The following RIMS2 variants were observed in gnomAD, a reference collection of about 807,000 sequenced individuals.
RIMS2 encodes the protein regulating synaptic membrane exocytosis protein 2.
Under a neutral mutation model 174.4 loss-of-function variants are expected in RIMS2, and 59 were observed. The observed-to-expected ratio is 0.34, with a 90% confidence interval of 0.27 to 0.42. The LOEUF (loss-of-function observed/expected upper bound fraction) is 0.42, where lower values mean the gene tolerates loss of function less well. RIMS2 is among the 10% of genes least tolerant of loss of function. The pLI, the probability that RIMS2 is intolerant of heterozygous loss-of-function variation, is 1.00. For missense variants in RIMS2, 1,620 were observed against 1,666.3 expected (o/e 0.97, Z 0.48); for synonymous variants, 606 against 572.5 (o/e 1.06, Z -0.84).
intron 19 of RIMS2, among the ~76,000 whole-genome samples, chr8:104,077,865 G>A (rs138796853): frequency 1.3e-5 from 2 of 151,634 alleles, no homozygotes; most frequent in Admixed American, 6.6e-5. Flanking sequence ...GGTGGTGGCC[G>A]GGCACGGTGG....
intron 3 of RIMS2, among the ~76,000 whole-genome samples, chr8:103,826,451 C>T (rs1468060691): frequency 4.0e-5 from 6 of 151,430 alleles, no homozygotes; most frequent in Non-Finnish European, 8.8e-5. Flanking sequence ...TTTGGTTATC[C>T]AGTTATTTCA....
intron 16 of RIMS2, chr8:103,977,015 T>G (rs1166302121): frequency 6.6e-6 from 1 of 152,196 alleles, no homozygotes; most frequent in Non-Finnish European, 1.5e-5. Flanking sequence ...TTGTACATAC[T>G]TGGAATGTTT....
intron 3 of RIMS2, among the ~76,000 whole-genome samples, chr8:103,769,450 A>G (rs1237118236): frequency 1.3e-5 from 2 of 152,166 alleles, no homozygotes; most frequent in East Asian, 3.9e-4. Context: ...CAGCCTCCCA[A>G]GTAGATGGGA....
At chr8:103,845,174 GATCC>G (rs1311159496) in intron 3 of RIMS2, among the ~76,000 whole-genome samples, 1 of 151,964 alleles carries the variant, frequency 6.6e-6, no homozygotes, top group Non-Finnish European at 1.5e-5. Context: ...AATAGTCAAA[GATCC>G]TTTTTTAAAA....
rs567295032 is a variant in RIMS2 at position 103,793,885 on chromosome 8, G to A, written c.698+27348G>A. Reference sequence around the variant, plus strand: ...GAATCCAACTTACAAGGGATGTGAAGGACCTCTTCAAGGAGAACTACAAAC... The same window carrying A: ...GAATCCAACTTACAAGGGATGTGAAAGACCTCTTCAAGGAGAACTACAAAC... On this transcript the variant is annotated intron_variant, in intron 3 of 23. Transcript: ENST00000504942. 2.3e-4 allele frequency among the ~76,000 whole-genome samples: 35 copies of A among 152,176 alleles called. 1 individual carries two copies. The highest frequency in any genetic ancestry group is 2.2e-3 in the Admixed American group (34 of 15,294).
At chr8:104,102,253 T>A (rs541258968) in intron 19 of RIMS2, among the ~76,000 whole-genome samples, 1 of 152,076 alleles carries the variant, frequency 6.6e-6, no homozygotes, top group Non-Finnish European at 1.5e-5. Flanking sequence ...CCAAAATAAA[T>A]AACTTACTCC....
At chr8:104,240,893 T>A (rs73696570) in intron 19 of RIMS2, among the ~76,000 whole-genome samples, 16 of 152,250 alleles carry the variant, frequency 1.1e-4, no homozygotes, top group African/African-American at 3.9e-4. Context: ...GTGCTTTAAA[T>A]GCATTGTTTT....
intron 19 of RIMS2, among the ~76,000 whole-genome samples, chr8:104,095,424 TA>T (rs1292579439): frequency 6.6e-6 from 1 of 152,100 alleles, no homozygotes; most frequent in Middle Eastern, 3.2e-3. Context: ...CTCAATCCAT[TA>T]GATAAACTTC....
intron 1 of RIMS2, among the ~76,000 whole-genome samples, chr8:103,506,098 T>A (rs1461047836): frequency 6.6e-6 from 1 of 152,082 alleles, no homozygotes; most frequent in East Asian, 1.9e-4. Flanking sequence ...TAAATAAAAA[T>A]TGCATATGTA....
chr8:104,058,640 G>A (rs2096918396), intron 19 of RIMS2, among the ~76,000 whole-genome samples: 1 of 151,710 alleles, frequency 6.6e-6, no homozygotes, highest in Non-Finnish European at 1.5e-5. Flanking sequence ...TGAAGTCCTT[G>A]CCCATGCCTG....
chr8:104,208,330 G>A (rs1279940906), intron 19 of RIMS2, among the ~76,000 whole-genome samples: 1 of 151,944 alleles, frequency 6.6e-6, no homozygotes, highest in Non-Finnish European at 1.5e-5. Flanking sequence ...CATTTTGGGA[G>A]GCCGAGGGGG....
intron 1 of RIMS2, among the ~76,000 whole-genome samples, chr8:103,533,313 G>T (rs1239013087): frequency 3.3e-5 from 5 of 152,148 alleles, no homozygotes; most frequent in African/African-American, 9.7e-5. Context: ...TTTCTAGTCA[G>T]TTACAAAACA....
chr8:104,148,501 A>G (rs754489763), intron 19 of RIMS2, 106 bp from the exon 25 acceptor site: 3 of 1,079,142 alleles, frequency 2.8e-6, no homozygotes, highest in Non-Finnish European at 1.3e-6. Flanking sequence ...AATATATTCC[A>G]TAGATGATAT....
intron 1 of RIMS2, among the ~76,000 whole-genome samples, chr8:103,610,291 C>G (rs556535450): frequency 6.6e-5 from 10 of 152,206 alleles, no homozygotes; most frequent in African/African-American, 2.4e-4. Flanking sequence ...GATAGTTTGA[C>G]TTTCTGTCTT....
At chr8:103,661,546 C>T (rs774150852) in intron 1 of RIMS2, among the ~76,000 whole-genome samples, 1 of 152,112 alleles carries the variant, frequency 6.6e-6, no homozygotes, top group Non-Finnish European at 1.5e-5. Context: ...CTCTGTCACC[C>T]AGGCTGGAGT....
exon 12 of RIMS2, chr8:103,931,370 A>G: frequency 6.3e-7 from 1 of 1,599,124 alleles, no homozygotes; most frequent in Non-Finnish European, 8.5e-7. Context: ...CTTATGTTAA[A>G]ATTTACTTTC....
rs551647951 is a variant in RIMS2, at chr8:103,739,257, T to C, written c.388-26970T>C. On this transcript the variant is annotated intron_variant, in intron 2 of 23. Coordinates refer to ENST00000504942, the Ensembl canonical transcript of RIMS2. The stretch of plus-strand genomic sequence containing the variant: ...ACATGGATGAAGCTGGAAACCATCA[T>C]TCTCAGCAAACTATCGCAAGGACAA... 2.9e-4 allele frequency among the ~76,000 whole-genome samples: 44 copies of C among 152,292 alleles called. 1 individual carries two copies. The highest frequency in any genetic ancestry group is 1.0e-3 in the African/African-American group (43 of 41,580).
chr8:104,218,473 G>C (rs1490543218), intron 19 of RIMS2, among the ~76,000 whole-genome samples: 1 of 152,064 alleles, frequency 6.6e-6, no homozygotes, highest in Non-Finnish European at 1.5e-5. Context: ...AGCAAGGGAT[G>C]GTTTCAGGAT....
chr8:104,071,232 A>T (rs1200842114), intron 19 of RIMS2, among the ~76,000 whole-genome samples: 1 of 152,216 alleles, frequency 6.6e-6, no homozygotes, highest in Non-Finnish European at 1.5e-5. Context: ...TCAAAGTTTT[A>T]TATCTTTGAC....
Sources: gnomAD v4.1 joint callset for allele counts (sites outside exome capture counted in the v4.1 genomes callset) on GRCh38, gnomAD v4.1.1 for gene constraint, MANE v1.5 for transcripts, NCBI Gene and HGNC (gene_info 2026-07-23, HGNC 2026-07-21) for gene names.